PMP22: variants seen among roughly 807,000 people sequenced by gnomAD.
The protein encoded by PMP22 is peripheral myelin protein 22.
Under a neutral mutation model 18.9 loss-of-function variants are expected in PMP22, and 2 were observed. That is an observed-to-expected ratio of 0.11 (90% CI 0.04 to 0.33). PMP22 has a LOEUF of 0.33. PMP22 is among the 10% of genes least tolerant of loss of function. The pLI, the probability that PMP22 is intolerant of heterozygous loss-of-function variation, is 1.00. For missense variants in PMP22, 169 were observed against 202.2 expected (o/e 0.84, Z 1.00); for synonymous variants, 95 against 89.2 (o/e 1.07, Z -0.37).
chr17:15,260,886 C>A, intron 1 of PMP22, 125 bp from the exon 2 acceptor site: 1 of 660,042 alleles, frequency 1.5e-6, no homozygotes, highest in Non-Finnish European at 2.6e-6. Flanking sequence ...GCCCGACCGC[C>A]CGCGCGGGTC....
At chr17:15,234,803 C>T (rs913676352) in intron 4 of PMP22, among the ~76,000 whole-genome samples, 1 of 148,552 alleles carries the variant, frequency 6.7e-6, no homozygotes, top group Non-Finnish European at 1.5e-5. Flanking sequence ...AATCCCCCCC[C>T]ACCAAATTCT....
At chr17:15,260,018 G>T (rs992664749) in intron 2 of PMP22, among the ~76,000 whole-genome samples, 5 of 151,674 alleles carry the variant, frequency 3.3e-5, no homozygotes, top group Non-Finnish European at 4.4e-5. Flanking sequence ...AAATTAAGAA[G>T]TGAAAGCCAC....
At chr17:15,248,060 A>T (rs1267453877) in intron 3 of PMP22, among the ~76,000 whole-genome samples, 1 of 152,208 alleles carries the variant, frequency 6.6e-6, no homozygotes, top group Non-Finnish European at 1.5e-5. Context: ...CCTCCATCCT[A>T]AACAATGTGG....
intron 3 of PMP22, among the ~76,000 whole-genome samples, chr17:15,243,429 T>C (rs1907520359): frequency 6.6e-6 from 1 of 151,704 alleles, no homozygotes; most frequent in South Asian, 2.1e-4. Context: ...TAAAAATTCA[T>C]CTAAAAAACA....
At chr17:15,239,819 A>C (rs966694921) in intron 3 of PMP22, among the ~76,000 whole-genome samples, 7 of 152,230 alleles carry the variant, frequency 4.6e-5, no homozygotes, top group Non-Finnish European at 7.3e-5. Context: ...GGAGGAAAAA[A>C]TATATACATA....
intron 3 of PMP22, among the ~76,000 whole-genome samples, chr17:15,240,749 G>A (rs1907251290): frequency 6.6e-6 from 1 of 152,186 alleles, no homozygotes; most frequent in Admixed American, 6.5e-5. Context: ...TGCTCTCATG[G>A]AGGAAGGGCA....
intron 3 of PMP22, among the ~76,000 whole-genome samples, chr17:15,252,476 C>T (rs1449153018): frequency 2.6e-5 from 4 of 152,172 alleles, no homozygotes; most frequent in Non-Finnish European, 4.4e-5. Context: ...ATCTTCTCAG[C>T]GTCTGGTGCT....
At chr17:15,260,059 C>T (rs574190840) in intron 2 of PMP22, among the ~76,000 whole-genome samples, 78 of 152,202 alleles carry the variant, frequency 5.1e-4, no homozygotes, top group Admixed American at 1.0e-3. Context: ...GTCTGCTCAT[C>T]TTCATCGCCA....
Position 15,260,722 on chromosome 17 carries a change from G to A in PMP22, c.6C>T (p.Leu2=), listed in dbSNP as rs1474281036. The A allele has an allele frequency of 7.7e-6, 12 of 1,552,818 alleles. No homozygotes were observed. The highest frequency in any genetic ancestry group is 4.9e-5 in the East Asian group (2 of 41,052). Residue 2 remains leucine (L), a synonymous_variant, in exon 2 of 5, where the codon CTC becomes CTT. Transcript: ENST00000312280. M[L]LLLLSIIVLH... is the part of the protein sequence containing the mutation. ...GGACGATGATACTCAGCAACAGGAG[G>A]AGCATTCTGGCGGCAAGTTCTGCTC...
At chr17:15,234,392 G>A (rs1306370540) in intron 4 of PMP22, among the ~76,000 whole-genome samples, 3 of 152,216 alleles carry the variant, frequency 2.0e-5, no homozygotes, top group Non-Finnish European at 4.4e-5. Context: ...AGAGCCTGGG[G>A]CAGAAGTCAG....
chr17:15,263,002 G>A (rs1377200615), intron 1 of PMP22, among the ~76,000 whole-genome samples: 1 of 152,242 alleles, frequency 6.6e-6, no homozygotes, highest in African/African-American at 2.4e-5. Context: ...AGCGCTGGAA[G>A]AAGTCCCTCT....
chr17:15,246,134 T>C (rs1434220625), intron 3 of PMP22, among the ~76,000 whole-genome samples: 1 of 152,194 alleles, frequency 6.6e-6, no homozygotes, highest in Non-Finnish European at 1.5e-5. Context: ...TATCAATTCA[T>C]ATCTCCTCTC....
intron 2 of PMP22, among the ~76,000 whole-genome samples, chr17:15,259,976 C>T (rs1296134273): frequency 6.7e-6 from 1 of 148,332 alleles, no homozygotes; most frequent in East Asian, 2.0e-4. Context: ...GAAAAGAAAA[C>T]GAAAAAGAAA....
chr17:15,252,943 C>T (rs1001399548), intron 3 of PMP22, among the ~76,000 whole-genome samples: 4 of 152,184 alleles, frequency 2.6e-5, no homozygotes, highest in Non-Finnish European at 4.4e-5. Flanking sequence ...TTCTGCTACA[C>T]GTCAGGTCCA....
chr17:15,231,080 C>T lies in PMP22; in HGVS notation c.320G>A (p.Gly107Asp). ...YITGIFQILA[G>D]LCVMSAAAIY... ...GGCCGCAGCACTCATCACGCACAGA[C>T]CTGGGGAAGGAGAGGGACAAGCTGG... The change falls in exon 5 of 5, where the codon GGT (glycine) becomes GAT (aspartate). Residue 107 changes from glycine (G) to aspartate (D), a missense_variant and splice_region_variant. Transcript: ENST00000312280. 1 of 1,613,174 alleles carries T rather than the reference C, an allele frequency of 6.2e-7. No homozygotes were observed. Among genetic ancestry groups the T allele is most frequent in the Non-Finnish European group, 8.5e-7 (1 of 1,179,854 alleles).
intron 4 of PMP22, chr17:15,235,402 G>C: frequency 1.4e-6 from 1 of 697,866 alleles, no homozygotes; most frequent in Middle Eastern, 2.3e-4. Context: ...ATCAAAACGT[G>C]CAAATCTTCC....
intron 3 of PMP22, among the ~76,000 whole-genome samples, chr17:15,253,681 C>T (rs1908566563): frequency 6.6e-6 from 1 of 152,110 alleles, no homozygotes; most frequent in East Asian, 1.9e-4. Flanking sequence ...CACTAGTCTG[C>T]CCTGCCCTCT....
chr17:15,244,988 G>A (rs2150685209), intron 3 of PMP22, among the ~76,000 whole-genome samples: 1 of 152,316 alleles, frequency 6.6e-6, no homozygotes, highest in African/African-American at 2.4e-5. Context: ...AACTCAAAGG[G>A]CTAGTGGAAT....
chr17:15,250,838 T>G (rs905020585), intron 3 of PMP22, among the ~76,000 whole-genome samples: 14 of 152,226 alleles, frequency 9.2e-5, no homozygotes, highest in Non-Finnish European at 1.3e-4. Context: ...ATCATTGTCA[T>G]TGTCATCATT....
Sources: gnomAD v4.1 joint callset for allele counts (sites outside exome capture counted in the v4.1 genomes callset) on GRCh38, gnomAD v4.1.1 for gene constraint, MANE v1.5 for transcripts, NCBI Gene and HGNC (gene_info 2026-07-23, HGNC 2026-07-21) for gene names.